UBE3A: variants seen among roughly 807,000 people sequenced by gnomAD.
The protein encoded by UBE3A is ubiquitin protein ligase E3A.
A neutral mutation model predicts 83.4 loss-of-function variants in UBE3A; 6 were observed. The ratio of observed to expected loss-of-function variants is 0.07; its 90% confidence interval spans 0.04 to 0.14. UBE3A has a LOEUF of 0.14. Among genes scored for constraint, UBE3A ranks in the 10% least tolerant of loss-of-function variants. The pLI, the probability that UBE3A is intolerant of heterozygous loss-of-function variation, is 1.00. For missense variants in UBE3A, 456 were observed against 1,036.1 expected (o/e 0.44, Z 7.69); for synonymous variants, 337 against 355.4 (o/e 0.95, Z 0.58).
At chr15:25,399,515 G>A (rs868792656) in intron 4 of UBE3A, among the ~76,000 whole-genome samples, 1 of 152,000 alleles carries the variant, frequency 6.6e-6, no homozygotes, top group African/African-American at 2.4e-5. Context: ...GATAGTACAC[G>A]AATTTATTTC....
At chr15:25,380,046 A>G (rs2081919883) in intron 4 of UBE3A, among the ~76,000 whole-genome samples, 1 of 152,050 alleles carries the variant, frequency 6.6e-6, no homozygotes, top group Admixed American at 6.5e-5. Flanking sequence ...AGATAATCTG[A>G]ATCATGGGGG....
chr15:25,400,828 G>A (rs532604390), intron 4 of UBE3A, among the ~76,000 whole-genome samples: 2 of 152,084 alleles, frequency 1.3e-5, no homozygotes, highest in African/African-American at 2.4e-5. Context: ...AAGGACTTCC[G>A]GTACTGTGCT....
intron 4 of UBE3A, among the ~76,000 whole-genome samples, chr15:25,403,285 T>A (rs1363030319): frequency 6.6e-6 from 1 of 152,238 alleles, no homozygotes; most frequent in Non-Finnish European, 1.5e-5. Context: ...TTCCCCTCAG[T>A]AGCTTCCTAA....
At chr15:25,377,998 T>C (rs1377131456) in intron 4 of UBE3A, among the ~76,000 whole-genome samples, 1 of 152,162 alleles carries the variant, frequency 6.6e-6, no homozygotes, top group African/African-American at 2.4e-5. Context: ...ACTTCTTCCA[T>C]CTTTTGATTT....
intron 6 of UBE3A, among the ~76,000 whole-genome samples, chr15:25,367,161 G>A (rs1036980847): frequency 2.1e-5 from 3 of 143,334 alleles, no homozygotes; most frequent in Admixed American, 2.0e-4. Context: ...ACACACAAAT[G>A]GGTATATTTA....
chr15:25,360,413 C>T lies in UBE3A; in HGVS notation c.1723G>A (p.Val575Ile). The T allele has an allele frequency of 6.2e-7, 1 of 1,613,850 alleles. No homozygotes were observed. The highest frequency in any genetic ancestry group is 8.5e-7 in the Non-Finnish European group (1 of 1,179,914). ...TCTGGATTGAAGATTTCCTCCACAA[C>T]CAGCTGAAAAAATTCTTTGGAAACA... ...GGVSKEFFQLVVEEIFNPDIG... is the reference protein window; with the variant it reads ...GGVSKEFFQLIVEEIFNPDIG... Residue 575 changes from valine (V) to isoleucine (I), a missense_variant, in exon 7 of 13, where the codon GTT becomes ATT. Val to Ile is a conservative substitution (Grantham distance 29). Coordinates refer to ENST00000648336, the MANE Select transcript of UBE3A (RefSeq NM_130839.5).
At chr15:25,339,302 G>A (rs1255841229) in intron 12 of UBE3A, 45 bp from the exon 13 acceptor site, 21 of 1,600,906 alleles carry the variant, frequency 1.3e-5, no homozygotes, top group Non-Finnish European at 1.7e-5. Context: ...TGTAAGTCAT[G>A]GGAAATACAC....
Position 25,371,927 on chromosome 15 carries a change from G to T in UBE3A, c.362-115C>A. ...ACATTCTAGGCTCAATATCATTTAT[G>T]ATATACAACTCTTAAAGTATCTAAT... On this transcript the variant is annotated intron_variant, in intron 5 of 12. Coordinates refer to ENST00000648336, the MANE Select transcript of UBE3A (RefSeq NM_130839.5). The surrounding 1 kb of genome is among the most constrained non-coding windows in gnomAD (Gnocchi z 5.3). 1 of 1,026,978 alleles carries T rather than the reference G, an allele frequency of 9.7e-7. No homozygotes were observed. The allele number at this position is 1,026,978 out of a possible 1,614,324, so 63.6% of individuals were successfully genotyped here. A position where few individuals can be genotyped will look rare whatever the true frequency, so the allele number is the denominator to read the frequency against.
intron 4 of UBE3A, among the ~76,000 whole-genome samples, chr15:25,388,980 G>A (rs2083704328): frequency 6.6e-6 from 1 of 152,106 alleles, no homozygotes; most frequent in Admixed American, 6.5e-5. Context: ...ACTAAATAAT[G>A]AAGAGCTATT....
intron 1 of UBE3A, among the ~76,000 whole-genome samples, chr15:25,435,017 CACAA>C (rs1460211091): frequency 1.7e-5 from 2 of 115,094 alleles, no homozygotes; most frequent in African/African-American, 6.6e-5. Flanking sequence ...CACACACACA[CACAA>C]ATACTAATAC....
chr15:25,354,042 T>C, intron 11 of UBE3A: 1 of 414,784 alleles, frequency 2.4e-6, no homozygotes, highest in Non-Finnish European at 4.4e-6. Flanking sequence ...ATTGCAGACA[T>C]GGTAGCCTTA....
In UBE3A at chr15:25,337,356, T is replaced by A. The variant is rs752638415; in HGVS notation, c.*1781A>T. ...TGAGAAGCCTTTAAGATGACTACAGTTGCACGAAGGTCCCTTTCATCAAGG... is the reference window on the plus strand; with the variant it reads ...TGAGAAGCCTTTAAGATGACTACAGATGCACGAAGGTCCCTTTCATCAAGG... On this transcript the variant is annotated 3_prime_UTR_variant, in exon 13 of 13. Transcript: ENST00000648336. 2.6e-5 allele frequency: 4 copies of A among 152,098 alleles called. No individual in the cohort carries two copies. Among genetic ancestry groups the A allele is most frequent in the African/African-American group, 7.2e-5 (3 of 41,424 alleles). 9.4% of individuals were successfully genotyped at this position (152,098 alleles called of 1,614,324 possible).
chr15:25,404,205 C>G (rs1020818989), intron 4 of UBE3A, among the ~76,000 whole-genome samples: 3 of 151,850 alleles, frequency 2.0e-5, no homozygotes, highest in African/African-American at 7.3e-5. Flanking sequence ...CAATATATAC[C>G]GGCATTTAAA....
chr15:25,367,484 G>A (rs778969891), intron 6 of UBE3A, among the ~76,000 whole-genome samples: 2 of 151,888 alleles, frequency 1.3e-5, no homozygotes, highest in African/African-American at 2.4e-5. Flanking sequence ...AAGTCCTAGG[G>A]GAACTATGGC....
chr15:25,375,785 T>C (rs1191930229), intron 4 of UBE3A, 22 bp from the exon 5 acceptor site: 1 of 1,604,624 alleles, frequency 6.2e-7, no homozygotes, highest in South Asian at 1.1e-5. Context: ...ATTCAAACAA[T>C]AAGCACAGTG....
chr15:25,415,851 A>AAG (rs1555426261), intron 1 of UBE3A: 1 of 132,196 alleles, frequency 7.6e-6, no homozygotes, highest in Admixed American at 7.1e-5. Context: ...CTCTACAAGA[A>AAG]AAAAAAAAAA....
rs780440418 is a variant in UBE3A at position 25,375,512 on chromosome 15, C to T, written c.314G>A (p.Cys105Tyr). 1.1e-5 allele frequency: 17 copies of T among 1,614,106 alleles called. No homozygotes were observed. The highest frequency in any genetic ancestry group is 1.4e-5 in the Non-Finnish European group (16 of 1,180,030). ...TTTCTTGTTCATTTTTATCTCAGAG[C>T]AGGAGTTGTTGGGGGCACCTTTCGA... The part of the protein sequence containing the change: ...ENSKGAPNNS[C>Y]SEIKMNKKGA... Residue 105 changes from cysteine to tyrosine, a missense_variant, in exon 5 of 13, where the codon TGC (cysteine) becomes TAC (tyrosine). By Grantham distance (194) the Cys-to-Tyr change is radical. This residue lies in a region of UBE3A where 36 missense variants were observed against 28.5 expected (regional missense o/e 1.26). Transcript: ENST00000648336.
At chr15:25,383,646 AC>A (rs958881084) in intron 4 of UBE3A, among the ~76,000 whole-genome samples, 1 of 152,212 alleles carries the variant, frequency 6.6e-6, no homozygotes, top group Non-Finnish European at 1.5e-5. Context: ...TCTCAAAAAA[AC>A]AAAAACAAAA....
intron 1 of UBE3A, among the ~76,000 whole-genome samples, chr15:25,412,677 T>A (rs1377947482): frequency 6.6e-6 from 1 of 151,200 alleles, no homozygotes; most frequent in Non-Finnish European, 1.5e-5. Context: ...AAAAATAAAG[T>A]CCTTTCATGT....
Sources: allele counts gnomAD v4.1 joint callset (sites outside exome capture counted in the v4.1 genomes callset), GRCh38; gene constraint gnomAD v4.1.1; regional missense constraint gnomAD v4.1.1; non-coding constraint Gnocchi (gnomAD v3.1); transcripts MANE v1.5; gene names NCBI Gene and HGNC (gene_info 2026-07-23, HGNC 2026-07-21).